The following DCAF6 variants were observed in gnomAD, a reference collection of about 807,000 sequenced individuals.
DCAF6 encodes the protein DDB1- and CUL4-associated factor 6.
In DCAF6, 54 loss-of-function variants were observed where a neutral mutation model predicts 125.1. The observed-to-expected ratio is 0.43, with a 90% confidence interval of 0.35 to 0.54. DCAF6 has a LOEUF of 0.54. Among genes scored for constraint, DCAF6 ranks in the 20% least tolerant of loss-of-function variants. DCAF6 has a pLI of 0.01. For synonymous variants in DCAF6, 371 were observed against 390.4 expected (o/e 0.95, Z 0.58); for missense variants, 934 against 1,161.7 (o/e 0.80, Z 2.85).
At position 168,045,151 on chromosome 1, in the gene DCAF6, C is replaced by T; in HGVS notation, c.2182C>T (p.Leu728Phe). 2.5e-6 allele frequency: 4 copies of T among 1,613,990 alleles called. No individual in the cohort carries two copies. The highest frequency in any genetic ancestry group is 3.4e-6 in the Non-Finnish European group (4 of 1,179,922). The change falls in exon 16 of 22, where the codon CTT (leucine) becomes TTT (phenylalanine). Residue 728 changes from leucine (L) to phenylalanine (F), a missense_variant. Leu to Phe is a conservative substitution (Grantham distance 22). Coordinates refer to ENST00000367840, the MANE Select transcript of DCAF6 (RefSeq NM_001198956.2). ...AGAAACATCCACCAGGGACTCTGCT[C>T]TTCAGGACACAGATGACAGTGATGA... ...HEETSTRDSA[L>F]QDTDDSDDDP...
At chr1:167,955,415 A>C (rs1372410653) in intron 2 of DCAF6, among the ~76,000 whole-genome samples, 1 of 150,082 alleles carries the variant, frequency 6.7e-6, no homozygotes, top group African/African-American at 2.4e-5. Flanking sequence ...CAGTGGGTCC[A>C]TGTCCTCACC....
intron 5 of DCAF6, among the ~76,000 whole-genome samples, chr1:167,990,368 GAAAA>G (rs893953370): frequency 6.7e-6 from 1 of 149,218 alleles, no homozygotes; most frequent in African/African-American, 2.5e-5. Flanking sequence ...ATCTCAAAAA[GAAAA>G]AAAAATATGA....
rs1349636666 is a variant in DCAF6 at position 168,044,883 on chromosome 1, A to G, written c.1931-17A>G. On this transcript the variant is annotated splice_polypyrimidine_tract_variant and intron_variant, in intron 15 of 21. Transcript: ENST00000367840. ...CCCACATTACCACCTGTTACATACAACTTTATTTTCTGACAGCACAATCAG... is the reference window on the plus strand; with the variant it reads ...CCCACATTACCACCTGTTACATACAGCTTTATTTTCTGACAGCACAATCAG... The G allele has an allele frequency of 6.2e-7, 1 of 1,610,122 alleles. No individual in the cohort carries two copies. Among genetic ancestry groups the G allele is most frequent in the Non-Finnish European group, 8.5e-7 (1 of 1,178,492 alleles).
intron 10 of DCAF6, among the ~76,000 whole-genome samples, chr1:168,013,275 T>C (rs1247815104): frequency 1.3e-5 from 2 of 152,238 alleles, no homozygotes; most frequent in Non-Finnish European, 2.9e-5. Context: ...TATGATGTTA[T>C]GAGTTATTAA....
chr1:167,879,268 G>A, the DCAF6 span, among the ~76,000 whole-genome samples: 5 of 152,168 alleles, frequency 3.3e-5, no homozygotes, highest in Non-Finnish European at 7.3e-5. Context: ...GTAACTCTCT[G>A]AGAGGGTGGT....
Position 167,993,278 on chromosome 1 carries a change from C to G in DCAF6, c.741C>G (p.Ser247=), listed in dbSNP as rs368193640. Residue 247 remains serine (S), a synonymous_variant, in exon 7 of 22, where the codon TCC becomes TCG. Coordinates refer to ENST00000367840, the MANE Select transcript of DCAF6 (RefSeq NM_001198956.2). The stretch of plus-strand genomic sequence containing the variant: ...GAATGGTTGCCCGTTTTATTCCTTC[C>G]CATCTTAATAATAAGTCCTGCAGAG... ...TTGMVARFIP[S]HLNNKSCRVT... The G allele has an allele frequency of 1.9e-6, 3 of 1,613,962 alleles. No homozygotes were observed. Among genetic ancestry groups the G allele is most frequent in the Non-Finnish European group, 2.5e-6 (3 of 1,179,962 alleles).
intron 21 of DCAF6, 86 bp from the exon 22 acceptor site, chr1:168,075,285 G>C: frequency 7.9e-7 from 1 of 1,261,660 alleles, no homozygotes; most frequent in Non-Finnish European, 1.1e-6. Flanking sequence ...TTTTTAATGC[G>C]TTTTAAATAA....
At chr1:168,026,596 AAATG>A (rs1309476502) in intron 12 of DCAF6, among the ~76,000 whole-genome samples, 1 of 152,174 alleles carries the variant, frequency 6.6e-6, no homozygotes, top group Non-Finnish European at 1.5e-5. Flanking sequence ...GATAAGTTAG[AAATG>A]AATGAGAGTA....
intron 16 of DCAF6, 30 bp downstream of exon 16, chr1:168,045,257 T>TA (rs1558023644): frequency 6.5e-7 from 1 of 1,535,554 alleles, no homozygotes; most frequent in Non-Finnish European, 8.8e-7. Flanking sequence ...ACATGAACTG[T>TA]AAAAAATGTA....
chr1:167,905,546 T>C, the DCAF6 span, among the ~76,000 whole-genome samples: 1 of 152,108 alleles, frequency 6.6e-6, no homozygotes, highest in Non-Finnish European at 1.5e-5. Flanking sequence ...TCTTCTGTCC[T>C]CATGTTTCCT....
At chr1:168,022,490 C>A (rs1176808519) in intron 11 of DCAF6, among the ~76,000 whole-genome samples, 2 of 152,066 alleles carry the variant, frequency 1.3e-5, no homozygotes, top group South Asian at 2.1e-4. Context: ...GAATATTTTT[C>A]TTATAAACCA....
chr1:167,994,219 AT>A (rs1486564965), intron 7 of DCAF6, among the ~76,000 whole-genome samples: 1 of 152,096 alleles, frequency 6.6e-6, no homozygotes, highest in African/African-American at 2.4e-5. Flanking sequence ...TTAGAAAAAA[AT>A]ATTTTAAATT....
intron 20 of DCAF6, among the ~76,000 whole-genome samples, chr1:168,067,095 T>A (rs1262471898): frequency 2.0e-5 from 3 of 151,908 alleles, no homozygotes. Flanking sequence ...TCAACCAGGG[T>A]TTTTATTTGT....
At chr1:167,924,597 T>C in the DCAF6 span, 1 of 1,245,022 alleles carries the variant, frequency 8.0e-7, no homozygotes, top group Non-Finnish European at 1.1e-6. Flanking sequence ...ACACGTCTTT[T>C]AACAGCTGTC....
the DCAF6 span, among the ~76,000 whole-genome samples, chr1:167,912,407 C>T: frequency 6.6e-6 from 1 of 152,186 alleles, no homozygotes; most frequent in Non-Finnish European, 1.5e-5. Flanking sequence ...GGCAACATGG[C>T]CACCTCCACA....
At chr1:168,046,131 A>G (rs1689129294) in intron 16 of DCAF6, among the ~76,000 whole-genome samples, 1 of 152,098 alleles carries the variant, frequency 6.6e-6, no homozygotes. Flanking sequence ...TACTGGTTTC[A>G]CCACTTACCA....
intron 13 of DCAF6, among the ~76,000 whole-genome samples, chr1:168,041,596 T>G (rs1688536479): frequency 6.6e-6 from 1 of 152,026 alleles, no homozygotes; most frequent in Non-Finnish European, 1.5e-5. Context: ...CATGGCTGTT[T>G]TCTTGTCTCA....
chr1:167,974,268 A>G (rs954646337), intron 3 of DCAF6, among the ~76,000 whole-genome samples: 3 of 152,136 alleles, frequency 2.0e-5, no homozygotes, highest in Non-Finnish European at 4.4e-5. Context: ...AAACACTACT[A>G]GGAGAATTAG....
At chr1:167,990,192 T>C (rs1309931157) in intron 5 of DCAF6, among the ~76,000 whole-genome samples, 2 of 152,086 alleles carry the variant, frequency 1.3e-5, no homozygotes, top group Non-Finnish European at 1.5e-5. Context: ...AGTGAGACCC[T>C]ATTTGTACAA....
Sources: allele counts gnomAD v4.1 joint callset (sites outside exome capture counted in the v4.1 genomes callset), GRCh38; gene constraint gnomAD v4.1.1; transcripts MANE v1.5; gene names NCBI Gene and HGNC (gene_info 2026-07-23, HGNC 2026-07-21).